Variants in DGKG observed in about 807,000 individuals in gnomAD.
DGKG encodes DAG kinase gamma.
Under a neutral mutation model 105.3 loss-of-function variants are expected in DGKG, and 78 were observed. That is an observed-to-expected ratio of 0.74 (90% CI 0.62 to 0.89). DGKG has a LOEUF of 0.89. Ranked by LOEUF, DGKG falls within the 40% of genes least tolerant of loss-of-function variation. The pLI, the probability that DGKG is intolerant of heterozygous loss-of-function variation, is 0.00. For synonymous variants in DGKG, 346 were observed against 367.1 expected, an observed-to-expected ratio of 0.94 and a Z score of 0.66; for missense variants, 958 against 1,020.1, an observed-to-expected ratio of 0.94 and a Z score of 0.83.
At position 186,173,570 on chromosome 3, in the gene DGKG, C is replaced by T. The variant is rs116291496; in HGVS notation, c.2096-8552G>A. Among the ~76,000 whole-genome samples, 552 of 152,370 alleles carry T rather than the reference C, an allele frequency of 3.6e-3. 6 individuals are homozygous for T. The highest frequency in any genetic ancestry group is 0.013 in the African/African-American group (528 of 41,584). Reference sequence around the variant, plus strand: ...TGTCCTCGGGCTCCTCTCCTGCCTCCAAATTTCCATGGAGATGGGCATGTG... The same window carrying T: ...TGTCCTCGGGCTCCTCTCCTGCCTCTAAATTTCCATGGAGATGGGCATGTG... On this transcript the variant is annotated intron_variant, in intron 22 of 24. Transcript: ENST00000265022.
chr3:186,224,183 T>G (rs1403215528), intron 20 of DGKG, among the ~76,000 whole-genome samples: 2 of 152,210 alleles, frequency 1.3e-5, no homozygotes, highest in Non-Finnish European at 2.9e-5. Context: ...CCAAAAATAT[T>G]CCGCTTGGTT....
chr3:186,257,066 A>ACAGG (rs1482432675), intron 17 of DGKG, among the ~76,000 whole-genome samples: 37 of 152,350 alleles, frequency 2.4e-4, no homozygotes, highest in African/African-American at 8.7e-4. Flanking sequence ...ATCATGGAGC[A>ACAGG]CAGGCAGCAT....
chr3:186,355,920 T>C (rs1726933770), intron 1 of DGKG, among the ~76,000 whole-genome samples: 1 of 152,224 alleles, frequency 6.6e-6, no homozygotes, highest in Non-Finnish European at 1.5e-5. Flanking sequence ...ATTGAAGCTG[T>C]GATTTCAAGG....
chr3:186,223,665 A>C (rs1214589036), intron 20 of DGKG, among the ~76,000 whole-genome samples: 1 of 152,174 alleles, frequency 6.6e-6, no homozygotes, highest in Non-Finnish European at 1.5e-5. Context: ...CTGCCTGAGA[A>C]GACTGCGGTA....
chr3:186,258,209 C>T (rs1721578050), intron 16 of DGKG, among the ~76,000 whole-genome samples: 1 of 152,216 alleles, frequency 6.6e-6, no homozygotes, highest in Admixed American at 6.5e-5. Flanking sequence ...AAATTCTGTA[C>T]TAGTTACGCA....
intron 13 of DGKG, among the ~76,000 whole-genome samples, chr3:186,266,840 G>T (rs1251030297): frequency 1.3e-5 from 2 of 152,044 alleles, no homozygotes; most frequent in Non-Finnish European, 2.9e-5. Context: ...CAGGTGATCC[G>T]CCTGCCTCAG....
At chr3:186,259,203 C>T (rs769170369) in intron 16 of DGKG, among the ~76,000 whole-genome samples, 1 of 152,196 alleles carries the variant, frequency 6.6e-6, no homozygotes, top group Non-Finnish European at 1.5e-5. Flanking sequence ...ACCCTCAGGG[C>T]GTATCAGCCC....
chr3:186,153,486 A>C (rs1017083824), intron 24 of DGKG, among the ~76,000 whole-genome samples: 2 of 152,224 alleles, frequency 1.3e-5, no homozygotes, highest in Admixed American at 6.5e-5. Context: ...AAGTGCTAAG[A>C]TCAGCAGCTT....
intron 21 of DGKG, among the ~76,000 whole-genome samples, chr3:186,199,362 C>G (rs1176173854): frequency 6.6e-6 from 1 of 152,116 alleles, no homozygotes; most frequent in East Asian, 1.9e-4. Flanking sequence ...ATTTTAGGAG[C>G]TGATGTCTAT....
At chr3:186,161,209 G>GTGTCAT in intron 24 of DGKG, 1 of 992,514 alleles carries the variant, frequency 1.0e-6, no homozygotes, top group South Asian at 4.5e-5. Context: ...TGGCTTCCAC[G>GTGTCAT]TAAGGAAGCA....
chr3:186,260,172 G>T (rs972574132), intron 16 of DGKG, among the ~76,000 whole-genome samples: 7 of 152,158 alleles, frequency 4.6e-5, no homozygotes, highest in Non-Finnish European at 7.4e-5. Context: ...CAAATGAAAG[G>T]TGTGTGCAGT....
chr3:186,228,271 TCTC>T (rs1225361012), intron 20 of DGKG, among the ~76,000 whole-genome samples: 2 of 152,152 alleles, frequency 1.3e-5, no homozygotes, highest in Admixed American at 6.5e-5. Context: ...GTTGGCTCCT[TCTC>T]CTCTCTCCTG....
chr3:186,215,980 C>G (rs1719269243), intron 20 of DGKG, among the ~76,000 whole-genome samples: 1 of 151,274 alleles, frequency 6.6e-6, no homozygotes, highest in Admixed American at 6.6e-5. Flanking sequence ...AAGCAAGACC[C>G]CTGCCCCACC....
At chr3:186,265,810 G>A (rs1038053594) in intron 13 of DGKG, among the ~76,000 whole-genome samples, 2 of 151,700 alleles carry the variant, frequency 1.3e-5, no homozygotes, top group Non-Finnish European at 2.9e-5. Context: ...CTACAGGTGC[G>A]TGCCACCACG....
intron 22 of DGKG, among the ~76,000 whole-genome samples, chr3:186,180,078 C>T (rs1025693205): frequency 6.6e-6 from 1 of 152,150 alleles, no homozygotes; most frequent in Admixed American, 6.5e-5. Flanking sequence ...GCCTCACAGT[C>T]TGATGGGAGA....
Position 186,302,471 on chromosome 3 carries a change from T to TAC in DGKG, c.145-4243_145-4242insGT, listed in dbSNP as rs1723973542. ...AGGGGGGAAATGTGCTATATATATA[T>TAC]ATATATATATATATATATATATATA... On this transcript the variant is annotated intron_variant, in intron 3 of 24. Transcript: ENST00000265022. 4.2e-4 allele frequency among the ~76,000 whole-genome samples: 4 copies of TAC among 9,620 alleles called. 1 individual carries two copies. Among genetic ancestry groups the TAC allele is most frequent in the African/African-American group, 2.4e-3 (4 of 1,670 alleles). 6.3% of individuals were successfully genotyped at this position (9,620 alleles called of 152,430 possible).
rs76674983 is a variant in DGKG at position 186,319,041 on chromosome 3, T to C, written c.67+1352A>G. On this transcript the variant is annotated intron_variant, in intron 2 of 24. Coordinates refer to ENST00000265022, the MANE Select transcript of DGKG (RefSeq NM_001346.3). ...GCCTCTCCTTTGTGCTTCTTCTTCA[T>C]CCCTGACAGGGCTTGGTGCTTTGCT... 7.9e-3 allele frequency among the ~76,000 whole-genome samples: 1,209 copies of C among 152,332 alleles called. 21 individuals are homozygous for C. The highest frequency in any genetic ancestry group is 0.026 in the African/African-American group (1,095 of 41,570).
intron 17 of DGKG, among the ~76,000 whole-genome samples, chr3:186,257,074 C>T (rs1578735361): frequency 1.3e-5 from 2 of 152,326 alleles, no homozygotes; most frequent in South Asian, 4.1e-4. Context: ...GCACAGGCAG[C>T]ATTTTTGGGA....
chr3:186,279,651 A>G (rs1207216901), intron 9 of DGKG, 200 bp downstream of exon 9: 1 of 501,876 alleles, frequency 2.0e-6, no homozygotes, highest in Non-Finnish European at 3.5e-6. Flanking sequence ...AGTAGTAATA[A>G]TGTAGTAAAT....
Sources: gnomAD v4.1 joint callset for allele counts (sites outside exome capture counted in the v4.1 genomes callset) on GRCh38, gnomAD v4.1.1 for gene constraint, MANE v1.5 for transcripts, NCBI Gene and HGNC (gene_info 2026-07-23, HGNC 2026-07-21) for gene names.